The following RNF11 variants were observed in gnomAD, a reference collection of about 807,000 sequenced individuals.
RNF11 encodes ring finger protein 11.
RNF11 carries 4 observed loss-of-function variants against 15.8 expected under a neutral mutation model. The ratio of observed to expected loss-of-function variants is 0.25; its 90% CI spans 0.12 to 0.58. RNF11 has a LOEUF of 0.58. Ranked by LOEUF, RNF11 falls within the 20% of genes least tolerant of loss-of-function variation. The pLI is 0.91. For synonymous variants in RNF11, 68 were observed against 72.3 expected (o/e 0.94, Z 0.30); for missense variants, 139 against 194.4 (o/e 0.71, Z 1.70).
intron 1 of RNF11, among the ~76,000 whole-genome samples, chr1:51,262,488 A>G (rs900531815): frequency 6.6e-6 from 1 of 152,216 alleles, no homozygotes; most frequent in Non-Finnish European, 1.5e-5. Flanking sequence ...TGTTCTTCAA[A>G]TAACGTAAAG....
chr1:51,258,373 A>G (rs1646914975), intron 1 of RNF11, among the ~76,000 whole-genome samples: 1 of 152,224 alleles, frequency 6.6e-6, no homozygotes, highest in South Asian at 2.1e-4. Context: ...AAATGCATTT[A>G]AACAATAGGG....
intron 1 of RNF11, among the ~76,000 whole-genome samples, chr1:51,237,903 C>T (rs968301169): frequency 1.3e-5 from 2 of 152,110 alleles, no homozygotes; most frequent in Non-Finnish European, 2.9e-5. Flanking sequence ...ACATCATTAT[C>T]TAGTGTTTTC....
chr1:51,251,563 G>A, intron 1 of RNF11: 1 of 562,556 alleles, frequency 1.8e-6, no homozygotes, highest in South Asian at 2.5e-5. Flanking sequence ...ATTAAGGTAT[G>A]TCATGATGGA....
At chr1:51,263,379 C>G (rs183536224) in intron 1 of RNF11, among the ~76,000 whole-genome samples, 2 of 152,216 alleles carry the variant, frequency 1.3e-5, no homozygotes, top group East Asian at 3.9e-4. Context: ...AAGTGAAAGT[C>G]GAGCCACAAA....
At chr1:51,238,825 G>A (rs540876906) in intron 1 of RNF11, among the ~76,000 whole-genome samples, 5 of 152,156 alleles carry the variant, frequency 3.3e-5, no homozygotes, top group Admixed American at 1.3e-4. Context: ...CACCTCCCGG[G>A]TTCTAGCGAT....
At chr1:51,270,519 G>A (rs1011251513) in intron 2 of RNF11, among the ~76,000 whole-genome samples, 5 of 152,084 alleles carry the variant, frequency 3.3e-5, no homozygotes, top group African/African-American at 1.2e-4. Flanking sequence ...AGGCTGAGGT[G>A]GGAGAATCAC....
At chr1:51,237,031 G>A (rs1338128506) in intron 1 of RNF11, 152 bp downstream of exon 1, 5 of 1,067,502 alleles carry the variant, frequency 4.7e-6, no homozygotes, top group East Asian at 5.6e-5. Context: ...TTTGCTCTCT[G>A]ATCTCAGAGT....
chr1:51,260,202 T>G (rs1646924202), intron 1 of RNF11, among the ~76,000 whole-genome samples: 1 of 152,236 alleles, frequency 6.6e-6, no homozygotes, highest in Non-Finnish European at 1.5e-5. Flanking sequence ...TGTTCAAACT[T>G]TTTATTTTGG....
intron 1 of RNF11, 77 bp downstream of exon 1, chr1:51,236,956 T>C (rs1423346399): frequency 2.0e-6 from 3 of 1,510,968 alleles, no homozygotes; most frequent in East Asian, 5.0e-5. Context: ...GGGCCGTCTC[T>C]GCCCCTGGCT....
intron 1 of RNF11, among the ~76,000 whole-genome samples, chr1:51,243,453 T>A (rs1192129804): frequency 6.6e-6 from 1 of 152,098 alleles, no homozygotes; most frequent in African/African-American, 2.4e-5. Context: ...ATTATTATTT[T>A]TTGAAACAGA....
At chr1:51,240,934 A>G (rs1646826583) in intron 1 of RNF11, among the ~76,000 whole-genome samples, 1 of 152,114 alleles carries the variant, frequency 6.6e-6, no homozygotes, top group East Asian at 1.9e-4. Flanking sequence ...CTCCTGCCTC[A>G]GCCTCTGGAG....
chr1:51,256,210 G>A (rs150605060), intron 1 of RNF11, among the ~76,000 whole-genome samples: 2 of 151,934 alleles, frequency 1.3e-5, no homozygotes, highest in African/African-American at 2.4e-5. Flanking sequence ...AAAATTTTCC[G>A]TGTTCCATCT....
intron 1 of RNF11, among the ~76,000 whole-genome samples, chr1:51,249,526 G>A (rs1027576071): frequency 6.6e-6 from 1 of 152,172 alleles, no homozygotes; most frequent in Non-Finnish European, 1.5e-5. Flanking sequence ...AAAGGTAACT[G>A]TTGGTCCTTA....
At chr1:51,262,074 C>CG (rs1557681757) in intron 1 of RNF11, among the ~76,000 whole-genome samples, 1 of 152,068 alleles carries the variant, frequency 6.6e-6, no homozygotes, top group Non-Finnish European at 1.5e-5. Context: ...AGGCTGGTCT[C>CG]GAACTCCTGG....
At chr1:51,255,363 G>A (rs147015430) in intron 1 of RNF11, among the ~76,000 whole-genome samples, 6 of 152,284 alleles carry the variant, frequency 3.9e-5, no homozygotes, top group African/African-American at 1.2e-4. Context: ...GGGCTCAAGC[G>A]ATCCACCTGC....
intron 1 of RNF11, among the ~76,000 whole-genome samples, chr1:51,256,290 G>A (rs1399054370): frequency 2.0e-5 from 3 of 152,144 alleles, no homozygotes; most frequent in Non-Finnish European, 4.4e-5. Flanking sequence ...GCCATTTGCA[G>A]AATGTTGCAT....
At chr1:51,269,297 T>G (rs1646968525) in intron 1 of RNF11, among the ~76,000 whole-genome samples, 2 of 152,152 alleles carry the variant, frequency 1.3e-5, no homozygotes, top group South Asian at 4.1e-4. Flanking sequence ...CCAGGCACCA[T>G]GGCTCAACCC....
chr1:51,270,487 C>T (rs1014109050), intron 2 of RNF11, among the ~76,000 whole-genome samples: 1 of 152,108 alleles, frequency 6.6e-6, no homozygotes, highest in Non-Finnish European at 1.5e-5. Context: ...GTGGCACGCG[C>T]CTGTAATCCC....
intron 1 of RNF11, among the ~76,000 whole-genome samples, chr1:51,242,325 CTTTTTTTT>C (rs57821900): frequency 0.01 from 1,316 of 131,142 alleles, 23 homozygotes; most frequent in African/African-American, 0.036. Flanking sequence ...TTCAAGATAC[CTTTTTTTT>C]TTTTTTTTTT....
Sources: gnomAD v4.1 joint callset for allele counts (sites outside exome capture counted in the v4.1 genomes callset) on GRCh38, gnomAD v4.1.1 for gene constraint, MANE v1.5 for transcripts, NCBI Gene and HGNC (gene_info 2026-07-23, HGNC 2026-07-21) for gene names.